EXT1: variants seen among roughly 807,000 people sequenced by gnomAD.
The protein encoded by EXT1 is exostosin glycosyltransferase 1, also known as exostosin-1.
In EXT1, 20 loss-of-function variants were observed where a neutral mutation model predicts 82.5. The observed-to-expected ratio is 0.24, with a 90% CI of 0.17 to 0.35. EXT1 has a LOEUF of 0.35. EXT1 is among the 10% of genes least tolerant of loss of function. The pLI is 1.00. For missense variants in EXT1, 757 were observed against 936.5 expected (o/e 0.81, Z 2.50); for synonymous variants, 348 against 350.8 (o/e 0.99, Z 0.09).
At chr8:117,875,438 AAAT>A (rs1421301593) in intron 1 of EXT1, among the ~76,000 whole-genome samples, 1 of 149,184 alleles carries the variant, frequency 6.7e-6, no homozygotes, top group Admixed American at 6.7e-5. Flanking sequence ...ATAAATAAAT[AAAT>A]AAATAAATAA....
At chr8:117,910,997 C>T (rs1668436949) in intron 1 of EXT1, among the ~76,000 whole-genome samples, 2 of 152,154 alleles carry the variant, frequency 1.3e-5, no homozygotes. Flanking sequence ...AGGGCGTGAA[C>T]TCTAGAGTCG....
At chr8:117,870,950 T>C (rs1373207925) in intron 1 of EXT1, among the ~76,000 whole-genome samples, 2 of 152,156 alleles carry the variant, frequency 1.3e-5, no homozygotes, top group African/African-American at 4.8e-5. Context: ...TGAGTTTCTA[T>C]TCTGCAGAAG....
intron 1 of EXT1, among the ~76,000 whole-genome samples, chr8:117,965,726 G>T (rs548929639): frequency 1.6e-4 from 24 of 152,206 alleles, no homozygotes; most frequent in African/African-American, 5.8e-4. Flanking sequence ...TGAATCTCTT[G>T]AGCTTTTCTC....
At chr8:117,815,719 T>C (rs1016269152) in intron 7 of EXT1, among the ~76,000 whole-genome samples, 13 of 152,034 alleles carry the variant, frequency 8.6e-5, no homozygotes, top group Admixed American at 8.5e-4. Flanking sequence ...TCACCTGAGT[T>C]TGGGAGTTCG....
At position 117,812,973 on chromosome 8, in the gene EXT1, T is replaced by G. The variant is rs931579660; in HGVS notation, c.1633-12A>C. Reference sequence around the variant, plus strand: ...CGGCTGCTCATAACCTGGGAGGAAGTAGAAGTAGGCAGTGGGGAGGGAATG... The same window carrying G: ...CGGCTGCTCATAACCTGGGAGGAAGGAGAAGTAGGCAGTGGGGAGGGAATG... On this transcript the variant is annotated splice_polypyrimidine_tract_variant and intron_variant, in intron 7 of 10. Transcript: ENST00000378204. 1 of 1,610,964 alleles carries G rather than the reference T, an allele frequency of 6.2e-7. No homozygotes were observed. Among genetic ancestry groups the G allele is most frequent in the Non-Finnish European group, 8.5e-7 (1 of 1,177,994 alleles).
At chr8:117,829,569 CT>C (rs35823668) in intron 4 of EXT1, among the ~76,000 whole-genome samples, 1,244 of 96,786 alleles carry the variant, frequency 0.013, 5 homozygotes, top group Middle Eastern at 0.028. Context: ...ATATATTTTT[CT>C]TTTTTTTTTT....
chr8:117,859,564 G>A (rs905028886), intron 1 of EXT1, among the ~76,000 whole-genome samples: 1 of 152,124 alleles, frequency 6.6e-6, no homozygotes, highest in African/African-American at 2.4e-5. Context: ...CATTCATGGT[G>A]TATACACATA....
intron 1 of EXT1, among the ~76,000 whole-genome samples, chr8:118,019,246 T>TGAAAGAAAGAAAGAAAGAAAGAAAGAAA (rs58914414): frequency 4.9e-4 from 71 of 145,742 alleles, no homozygotes; most frequent in East Asian, 1.6e-3. Flanking sequence ...GCAGTACGAT[T>TGAAAGAAAGAAAGAAAGAAAGAAAGAAA]GAAAGAAAGA....
chr8:117,953,388 C>G (rs993111285), intron 1 of EXT1, among the ~76,000 whole-genome samples: 28 of 152,006 alleles, frequency 1.8e-4, no homozygotes, highest in African/African-American at 6.8e-4. Context: ...AATGATCATT[C>G]TGCTCCCATG....
chr8:118,060,236 AT>A (rs1166176803), intron 1 of EXT1, among the ~76,000 whole-genome samples: 1 of 152,220 alleles, frequency 6.6e-6, no homozygotes, highest in Non-Finnish European at 1.5e-5. Flanking sequence ...CAATAGATCC[AT>A]TTATCAACAC....
chr8:117,872,621 G>A (rs1218320426), intron 1 of EXT1, among the ~76,000 whole-genome samples: 4 of 152,144 alleles, frequency 2.6e-5, no homozygotes, highest in African/African-American at 9.7e-5. Context: ...TGCTAATTGT[G>A]CAGCATTAAA....
intron 1 of EXT1, among the ~76,000 whole-genome samples, chr8:117,867,260 G>GGAAAAAAAAAAA (rs774425294): frequency 2.0e-5 from 2 of 98,906 alleles, no homozygotes; most frequent in Non-Finnish European, 2.0e-5. Context: ...CTCCACCTCA[G>GGAAAAAAAAAAA]AAAAAAAAAA....
intron 1 of EXT1, among the ~76,000 whole-genome samples, chr8:117,914,611 G>T (rs948399263): frequency 1.3e-5 from 2 of 152,124 alleles, no homozygotes; most frequent in African/African-American, 4.8e-5. Context: ...GCATTCCTAG[G>T]GGGAGGTCTA....
rs1260223112 is a variant in EXT1 at position 118,111,397 on chromosome 8, C to A, written c.-351G>T. On this transcript the variant is annotated 5_prime_UTR_variant, in exon 1 of 11. Coordinates refer to ENST00000378204, the MANE Select transcript of EXT1 (RefSeq NM_000127.3). ...GGGGAGAAAAAAAAAGCTCCCGATA[C>A]CCAATCAATGGCAAGACGAAGTGAT... The A allele has an allele frequency of 1.2e-5, 7 of 561,408 alleles. No individual in the cohort carries two copies. In the Admixed American group the frequency reaches 1.9e-4, roughly 16 times the overall value. 34.8% of individuals were successfully genotyped at this position (561,408 alleles called of 1,614,324 possible).
intron 1 of EXT1, among the ~76,000 whole-genome samples, chr8:117,939,606 T>C (rs765592021): frequency 2.7e-5 from 4 of 147,114 alleles, no homozygotes; most frequent in South Asian, 4.3e-4. Context: ...AAAAGAATAA[T>C]AGTGAAGGTG....
chr8:117,910,664 G>T (rs1813629223), intron 1 of EXT1, among the ~76,000 whole-genome samples: 1 of 152,228 alleles, frequency 6.6e-6, no homozygotes, highest in Admixed American at 6.5e-5. Context: ...GCCTGTCTCT[G>T]CTTCATATGT....
intron 1 of EXT1, among the ~76,000 whole-genome samples, chr8:118,108,058 C>T (rs1033194698): frequency 1.3e-5 from 2 of 151,990 alleles, no homozygotes; most frequent in African/African-American, 2.4e-5. Flanking sequence ...TTTCTTGGCC[C>T]GATCACAAAG....
intron 1 of EXT1, among the ~76,000 whole-genome samples, chr8:117,858,573 G>A (rs1052640078): frequency 7.2e-5 from 11 of 151,940 alleles, no homozygotes; most frequent in African/African-American, 2.7e-4. Context: ...AGCTACCTTG[G>A]AGGCTGAGGC....
chr8:118,004,472 GA>G (rs1697236877), intron 1 of EXT1, among the ~76,000 whole-genome samples: 1 of 152,208 alleles, frequency 6.6e-6, no homozygotes, highest in Non-Finnish European at 1.5e-5. Flanking sequence ...TAGAAAAACT[GA>G]AACTTTCTGG....
Sources: allele counts gnomAD v4.1 joint callset (sites outside exome capture counted in the v4.1 genomes callset), GRCh38; gene constraint gnomAD v4.1.1; transcripts MANE v1.5; gene names NCBI Gene and HGNC (gene_info 2026-07-23, HGNC 2026-07-21).